DHX37: variants seen among roughly 807,000 people sequenced by gnomAD.
DHX37 encodes the protein DEAH-box helicase 37, also known as probable ATP-dependent RNA helicase DHX37.
Under a neutral mutation model 134.3 loss-of-function variants are expected in DHX37, and 52 were observed. The ratio of observed to expected loss-of-function variants is 0.39; its 90% confidence interval spans 0.31 to 0.49. DHX37 has a LOEUF of 0.49. DHX37 is among the 20% of genes least tolerant of loss of function. DHX37 has a pLI of 0.93. For synonymous variants in DHX37, 634 were observed against 670.7 expected (o/e 0.95, Z 0.85); for missense variants, 1,344 against 1,580.8 (o/e 0.85, Z 2.54).
At chr12:124,967,046 A>T in intron 11 of DHX37, 77 bp downstream of exon 11, 3 of 1,554,202 alleles carry the variant, frequency 1.9e-6, no homozygotes, top group Non-Finnish European at 2.7e-6. Flanking sequence ...CAGAGGCAGG[A>T]GCTGCACCCC....
chr12:124,950,792 C>G lies in DHX37; in HGVS notation c.2881G>C (p.Asp961His). The G allele has an allele frequency of 3.1e-6, 5 of 1,606,382 alleles. No individual in the cohort carries two copies. The highest frequency in any genetic ancestry group is 1.1e-5 in the South Asian group (1 of 90,152). The change falls in exon 22 of 27, where the codon GAC becomes CAC. Residue 961 changes from aspartate (D) to histidine (H), a missense_variant. Physicochemically the swap from Asp to His is moderately conservative, Grantham distance 81. Coordinates refer to ENST00000308736, the MANE Select transcript of DHX37 (RefSeq NM_032656.4). The stretch of plus-strand genomic sequence containing the variant: ...CTGGGGTGGATGAAGACAGGGTCGT[C>G]GAGGAGAGGGGTCTGCAGAGAATGG... The part of the protein sequence containing the change: ...WRNAYKTPLL[D>H]DPVFIHPSSV...
intron 5 of DHX37, among the ~76,000 whole-genome samples, chr12:124,975,752 C>A (rs1269489807): frequency 6.6e-6 from 1 of 152,186 alleles, no homozygotes; most frequent in African/African-American, 2.4e-5. Context: ...AGGAACGGGG[C>A]CTGGGGGAAC....
At chr12:124,960,205 C>G (rs1954204613) in intron 16 of DHX37, 107 bp downstream of exon 16, 1 of 1,507,268 alleles carries the variant, frequency 6.6e-7, no homozygotes, top group African/African-American at 1.4e-5. Context: ...GTGTAAGCAG[C>G]TGCCGCAGGC....
rs1247505441 is a variant in DHX37, at chr12:124,947,741, C to T, written c.*61G>A. ...CCAGGTGGTCACGGTCGCACGGTGA[C>T]AGGCTGCTGCCAGCCCTCCAGTCCC... On this transcript the variant is annotated 3_prime_UTR_variant, in exon 27 of 27. Coordinates refer to ENST00000308736, the MANE Select transcript of DHX37 (RefSeq NM_032656.4). The T allele has an allele frequency of 2.7e-6, 4 of 1,502,288 alleles. No individual in the cohort carries two copies. In the African/African-American group the frequency reaches 5.6e-5, roughly 21 times the overall value. 93.1% of individuals were successfully genotyped at this position (1,502,288 alleles called of 1,614,324 possible). A position where few individuals can be genotyped will look rare whatever the true frequency, so the allele number is the denominator to read the frequency against.
At chr12:124,960,998 A>G (rs1303073081) in intron 15 of DHX37, among the ~76,000 whole-genome samples, 2 of 152,200 alleles carry the variant, frequency 1.3e-5, no homozygotes, top group African/African-American at 2.4e-5. Context: ...TACTTAAAAC[A>G]GGGGATGGTG....
At chr12:124,974,341 T>C (rs763920932) in intron 6 of DHX37, among the ~76,000 whole-genome samples, 28 of 151,958 alleles carry the variant, frequency 1.8e-4, no homozygotes, top group Admixed American at 3.3e-4. Flanking sequence ...ATGCACAGAA[T>C]TGTCCAGGAG....
rs377327632 is a variant in DHX37 at position 124,956,795 on chromosome 12, G to C, written c.2349C>G (p.Arg783=). ...RTMATFPVAP[R]YAKMLALSRQ... is the part of the protein sequence containing the mutation. ...GGCTCAGTGCCAGCATCTTAGCGTA[G>C]CGGGGTGCCACGGGGAATGTGGCCA... The change falls in exon 18 of 27, where the codon CGC becomes CGG. Residue 783 remains arginine (R), a synonymous_variant. Transcript: ENST00000308736. The C allele has an allele frequency of 1.9e-5, 30 of 1,612,154 alleles. No homozygotes were observed. Among genetic ancestry groups the C allele is most frequent in the Middle Eastern group, 3.3e-4 (2 of 6,056 alleles).
chr12:124,981,027 C>T (rs1380253433), intron 3 of DHX37, among the ~76,000 whole-genome samples, 189 bp from the exon 4 acceptor site: 2 of 151,982 alleles, frequency 1.3e-5, no homozygotes, highest in African/African-American at 4.8e-5. Context: ...GTCAGGGAGA[C>T]TCCCTGACCA....
chr12:124,971,329 C>T lies in DHX37; in HGVS notation c.1164G>A (p.Leu388=). The T allele has an allele frequency of 1.2e-6, 2 of 1,613,184 alleles. No homozygotes were observed. The highest frequency in any genetic ancestry group is 1.7e-6 in the Non-Finnish European group (2 of 1,179,992). The change falls in exon 8 of 27, where the codon CTG becomes CTA. Residue 388 remains leucine (L), a synonymous_variant. Coordinates refer to ENST00000308736, the MANE Select transcript of DHX37 (RefSeq NM_032656.4). ...TAGCCCGGAGAGTCACAATGCGGGA[C>T]AGGAGGCCGATGAGGATGTCCGTGT... The part of the protein sequence containing the change: ...SVYTDILIGL[L]SRIVTLRAKR...
At chr12:124,979,746 G>T (rs778226442) in intron 4 of DHX37, among the ~76,000 whole-genome samples, 1 of 152,184 alleles carries the variant, frequency 6.6e-6, no homozygotes, top group Non-Finnish European at 1.5e-5. Flanking sequence ...CTGAGTGACC[G>T]CGCGGAGCAG....
chr12:124,948,039 A>T (rs1433702361), intron 26 of DHX37, 45 bp downstream of exon 26: 4 of 1,613,920 alleles, frequency 2.5e-6, no homozygotes, highest in Non-Finnish European at 3.4e-6. Flanking sequence ...TGCCTCAGTG[A>T]CCCCATCCTG....
chr12:124,963,643 G>A (rs533201413), intron 15 of DHX37, among the ~76,000 whole-genome samples: 1 of 151,700 alleles, frequency 6.6e-6, no homozygotes, highest in South Asian at 2.1e-4. Flanking sequence ...GCCGAGGCGG[G>A]TGGATCACGA....
intron 20 of DHX37, chr12:124,952,910 C>T (rs971282496): frequency 2.9e-5 from 5 of 172,476 alleles, no homozygotes; most frequent in Non-Finnish European, 6.1e-5. Flanking sequence ...TTCCTGGGAA[C>T]GTTCAATACG....
At chr12:124,959,073 C>CTTTTT (rs1188884814) in intron 16 of DHX37, among the ~76,000 whole-genome samples, 3 of 115,812 alleles carry the variant, frequency 2.6e-5, no homozygotes, top group African/African-American at 1.2e-4. Flanking sequence ...CCACACCTGG[C>CTTTTT]TTTTTTTTTT....
intron 5 of DHX37, among the ~76,000 whole-genome samples, chr12:124,976,702 C>T (rs889861280): frequency 5.3e-5 from 8 of 152,076 alleles, no homozygotes; most frequent in East Asian, 3.9e-4. Flanking sequence ...TGGTGGTGGG[C>T]GCCTGTAGTC....
At position 124,959,540 on chromosome 12, in the gene DHX37, T is replaced by C. The variant is rs560846134; in HGVS notation, c.2157+772A>G. ...GCCCGGCCAGCACCCATGATTTTTATTAGGTGAAAAAATCAAGCCCCCAAA... is the reference window on the plus strand; with the variant it reads ...GCCCGGCCAGCACCCATGATTTTTACTAGGTGAAAAAATCAAGCCCCCAAA... On this transcript the variant is annotated intron_variant, in intron 16 of 26. Coordinates refer to ENST00000308736, the MANE Select transcript of DHX37 (RefSeq NM_032656.4). 8.5e-5 allele frequency among the ~76,000 whole-genome samples: 13 copies of C among 152,218 alleles called. No homozygotes were observed. The South Asian group carries it at 2.1e-3, about 24-fold the overall frequency.
intron 3 of DHX37, among the ~76,000 whole-genome samples, chr12:124,981,578 G>A (rs1019806535): frequency 1.3e-5 from 2 of 152,080 alleles, no homozygotes; most frequent in Non-Finnish European, 2.9e-5. Context: ...GAGACCACAG[G>A]CATGAGCCAC....
intron 18 of DHX37, among the ~76,000 whole-genome samples, chr12:124,954,434 C>T (rs1469764086): frequency 3.3e-5 from 5 of 151,842 alleles, no homozygotes; most frequent in Non-Finnish European, 5.9e-5. Context: ...CTCGCTCTGT[C>T]GCCCAGTGCA....
intron 1 of DHX37, among the ~76,000 whole-genome samples, chr12:124,987,093 C>T (rs978389683): frequency 1.3e-5 from 2 of 152,098 alleles, no homozygotes; most frequent in Admixed American, 6.5e-5. Context: ...CGGTGGCGCA[C>T]GCCTGCAATC....
Sources: gnomAD v4.1 joint callset for allele counts (sites outside exome capture counted in the v4.1 genomes callset) on GRCh38, gnomAD v4.1.1 for gene constraint, MANE v1.5 for transcripts, NCBI Gene and HGNC (gene_info 2026-07-23, HGNC 2026-07-21) for gene names.